Variants in ASAP3 observed in about 807,000 individuals in gnomAD.
The protein encoded by ASAP3 is ArfGAP with SH3 domain, ankyrin repeat and PH domain 3.
In ASAP3, 85 loss-of-function variants were observed where a neutral mutation model predicts 118.2. That is an observed-to-expected ratio of 0.72 (90% CI 0.60 to 0.86). ASAP3 has a LOEUF of 0.86. ASAP3 is among the 40% of genes least tolerant of loss of function. The pLI, the probability that ASAP3 is intolerant of heterozygous loss-of-function variation, is 0.00. For missense variants in ASAP3, 1,026 were observed against 1,175.0 expected, an observed-to-expected ratio of 0.87 and a Z score of 1.85; for synonymous variants, 432 against 477.4, an observed-to-expected ratio of 0.90 and a Z score of 1.24.
intron 4 of ASAP3, 78 bp from the exon 5 acceptor site, chr1:23,451,606 G>GAGCACACTAGC: frequency 2.0e-6 from 3 of 1,495,284 alleles, no homozygotes; most frequent in Non-Finnish European, 1.9e-6. Context: ...CTGCCTGTAG[G>GAGCACACTAGC]AGGACCTGCT....
At chr1:23,444,915 C>G (rs1463392407) in intron 5 of ASAP3, among the ~76,000 whole-genome samples, 1 of 151,594 alleles carries the variant, frequency 6.6e-6, no homozygotes, top group East Asian at 1.9e-4. Flanking sequence ...TAGCATCCCC[C>G]CAGCTGTGAC....
In ASAP3 at chr1:23,436,280, A is replaced by C. The variant is rs1640650395; in HGVS notation, c.1572-252T>G. On this transcript the variant is annotated intron_variant, in intron 16 of 24. Coordinates refer to ENST00000336689, the MANE Select transcript of ASAP3 (RefSeq NM_017707.4). The surrounding 1 kb of genome is among the most constrained non-coding windows in gnomAD (Gnocchi z 4.2). ...AGGGTTCAAGCAATTCTAGTGCCTC[A>C]ACCTCCTGAGTAGCTGGAATTACAG... Among the ~76,000 whole-genome samples the C allele has an allele frequency of 6.6e-6, 1 of 152,186 alleles. No individual in the cohort carries two copies. The highest frequency in any genetic ancestry group is 1.9e-4 in the East Asian group (1 of 5,188).
chr1:23,441,895 G>C (rs1640886145), intron 7 of ASAP3, among the ~76,000 whole-genome samples, 165 bp from the exon 8 acceptor site: 2 of 152,180 alleles, frequency 1.3e-5, no homozygotes, highest in Non-Finnish European at 2.9e-5. Flanking sequence ...TCTTGACTAG[G>C]TTCAAATCCC....
At chr1:23,455,729 G>A (rs1641360486) in intron 3 of ASAP3, 152 bp downstream of exon 3, 1 of 886,128 alleles carries the variant, frequency 1.1e-6, no homozygotes, top group Non-Finnish European at 1.7e-6. Flanking sequence ...TCCAAAAGAA[G>A]GGTCAGGGCT....
chr1:23,466,664 T>G (rs1277384095), intron 1 of ASAP3, among the ~76,000 whole-genome samples: 4 of 152,206 alleles, frequency 2.6e-5, no homozygotes, highest in Non-Finnish European at 5.9e-5. Flanking sequence ...GATTCATCAA[T>G]AGGACCCATT....
chr1:23,442,624 G>C lies in ASAP3; in HGVS notation c.474-12C>G. On this transcript the variant is annotated splice_polypyrimidine_tract_variant and intron_variant, in intron 5 of 24. Coordinates refer to ENST00000336689, the MANE Select transcript of ASAP3 (RefSeq NM_017707.4). ...TCTCCAGCTTGGCCCTAGACCCCAA[G>C]GAAAGAGAAGCCTGAACAAGTCTCA... The C allele has an allele frequency of 6.2e-7, 1 of 1,612,660 alleles. No individual in the cohort carries two copies. Among genetic ancestry groups the C allele is most frequent in the South Asian group, 1.1e-5 (1 of 90,718 alleles).
chr1:23,473,402 G>C (rs1424488208), intron 1 of ASAP3, among the ~76,000 whole-genome samples: 9 of 152,168 alleles, frequency 5.9e-5, no homozygotes, highest in Non-Finnish European at 1.0e-4. Flanking sequence ...CTGTGACGTT[G>C]GTGAGGTGGA....
intron 5 of ASAP3, among the ~76,000 whole-genome samples, chr1:23,443,279 CCTGGG>C (rs959952017): frequency 4.6e-5 from 7 of 152,134 alleles, no homozygotes; most frequent in African/African-American, 1.7e-4. Context: ...AGTGGTGAAG[CCTGGG>C]CTTTTAGAGT....
intron 23 of ASAP3, 110 bp downstream of exon 23, chr1:23,431,586 T>TCTTTA: frequency 9.6e-7 from 1 of 1,046,000 alleles, no homozygotes; most frequent in Non-Finnish European, 1.4e-6. Flanking sequence ...GGCCCAGAGA[T>TCTTTA]GGCGTGTGAC....
chr1:23,471,850 T>C (rs1346677253), intron 1 of ASAP3, among the ~76,000 whole-genome samples: 1 of 152,240 alleles, frequency 6.6e-6, no homozygotes, highest in Non-Finnish European at 1.5e-5. Context: ...GGACAGGCCC[T>C]GTGTTATGAT....
rs914088613 is a variant in ASAP3, at chr1:23,479,858, T to C, written c.129+4147A>G. ...GATAGTTGTTCATAGGCCTTTTCTG[T>C]TATGTTTTAAATTACTTATTACAAA... On this transcript the variant is annotated intron_variant, in intron 1 of 24. Transcript: ENST00000336689. 2.0e-5 allele frequency: 3 copies of C among 152,314 alleles called. No individual in the cohort carries two copies. In the South Asian group the frequency reaches 6.2e-4, roughly 32 times the overall value. 9.4% of individuals were successfully genotyped at this position (152,314 alleles called of 1,614,324 possible). A position where few individuals can be genotyped will look rare whatever the true frequency, so the allele number is the denominator to read the frequency against.
intron 1 of ASAP3, among the ~76,000 whole-genome samples, chr1:23,472,450 C>T (rs572494905): frequency 1.2e-4 from 19 of 152,228 alleles, no homozygotes; most frequent in African/African-American, 3.4e-4. Flanking sequence ...GCTGGGATTA[C>T]GGGTATGAGC....
Position 23,453,394 on chromosome 1 carries a change from C to T in ASAP3, c.349-623G>A, listed in dbSNP as rs1262273471. Among the ~76,000 whole-genome samples, 7 of 152,252 alleles carry T rather than the reference C, an allele frequency of 4.6e-5. No individual in the cohort carries two copies. The East Asian group carries it at 1.2e-3, about 25-fold the overall frequency. The stretch of plus-strand genomic sequence containing the variant: ...GGAACAGGCACGCACCCAAGCCAGC[C>T]AATCACAATCCTCGCTGGGATTTTT... On this transcript the variant is annotated intron_variant, in intron 3 of 24. Coordinates refer to ENST00000336689, the MANE Select transcript of ASAP3 (RefSeq NM_017707.4).
intron 23 of ASAP3, among the ~76,000 whole-genome samples, chr1:23,431,479 G>A (rs1199048378): frequency 6.6e-6 from 1 of 152,174 alleles, no homozygotes; most frequent in Non-Finnish European, 1.5e-5. Context: ...CAGCAGGGAG[G>A]ATCCCTGGCT....
chr1:23,433,613 C>T lies in ASAP3; in HGVS notation c.2019+13G>A. 8.1e-6 allele frequency: 13 copies of T among 1,614,208 alleles called. No individual in the cohort carries two copies. Among genetic ancestry groups the T allele is most frequent in the Non-Finnish European group, 1.1e-5 (13 of 1,180,026 alleles). ...GAAAGAGTCAGGGGCCCCTTGCCTC[C>T]CCGAGTCCTCACCAGCTCCTCACAC... On this transcript the variant is annotated intron_variant, in intron 20 of 24. Transcript: ENST00000336689.
At position 23,452,704 on chromosome 1, in the gene ASAP3, C is replaced by G. The variant is rs1162544595; in HGVS notation, c.416G>C (p.Gly139Ala). 1 of 1,613,834 alleles carries G rather than the reference C, an allele frequency of 6.2e-7. No homozygotes were observed. The highest frequency in any genetic ancestry group is 1.7e-5 in the Admixed American group (1 of 60,006). ...CCCAGCATGGAGACTCACCTGTCGACCGTCCCTCAGCTGCCCCTTCATCAG... is the reference window on the plus strand; with the variant it reads ...CCCAGCATGGAGACTCACCTGTCGAGCGTCCCTCAGCTGCCCCTTCATCAG... ...DSLMKGQLRD[G>A]RQDSKKQLEK... The change falls in exon 4 of 25, where the codon GGT becomes GCT. Residue 139 changes from glycine (G) to alanine (A), a missense_variant. Physicochemically the swap from Gly to Ala is moderately conservative, Grantham distance 60. Coordinates refer to ENST00000336689, the MANE Select transcript of ASAP3 (RefSeq NM_017707.4).
chr1:23,473,515 C>G (rs896813672), intron 1 of ASAP3, among the ~76,000 whole-genome samples: 2 of 152,154 alleles, frequency 1.3e-5, no homozygotes, highest in African/African-American at 2.4e-5. Context: ...CTAGGCCCAT[C>G]GAAGGGACCT....
Position 23,441,138 on chromosome 1 carries a change from G to A in ASAP3, c.908C>T (p.Thr303Met), listed in dbSNP as rs147482690. ...CTTGTATAGAAAGCCCACTTTCTCCGTCCCAAACTGCTTGTTGCCTTGGTG... is the reference window on the plus strand; with the variant it reads ...CTTGTATAGAAAGCCCACTTTCTCCATCCCAAACTGCTTGTTGCCTTGGTG... ...HQHQGNKQFGTEKVGFLYKKS... is the reference protein window; with the variant it reads ...HQHQGNKQFGMEKVGFLYKKS... The change falls in exon 10 of 25, where the codon ACG (threonine) becomes ATG (methionine). Residue 303 changes from threonine (T) to methionine (M), a missense_variant. Coordinates refer to ENST00000336689, the MANE Select transcript of ASAP3 (RefSeq NM_017707.4). 2.4e-4 allele frequency: 381 copies of A among 1,614,148 alleles called. No homozygotes were observed. In the East Asian group the frequency reaches 5.5e-3, roughly 23 times the overall value.
Position 23,431,729 on chromosome 1 carries a change from G to A in ASAP3, c.2513C>T (p.Thr838Ile). The change falls in exon 23 of 25, where the codon ACC becomes ATC. Residue 838 changes from threonine to isoleucine, a missense_variant. Transcript: ENST00000336689. ...TSRPSLTSGT[T>I]PSEMYLPVRF... is the part of the protein sequence containing the mutation. ...GACGGGGAGGTACATCTCCGAAGGG[G>A]TGGTCCCGGATGTCAGGCTGGGTCT... 1 of 1,522,580 alleles carries A rather than the reference G, an allele frequency of 6.6e-7. No homozygotes were observed. The highest frequency in any genetic ancestry group is 8.8e-7 in the Non-Finnish European group (1 of 1,140,638). The allele number at this position is 1,522,580 out of a possible 1,614,324, so 94.3% of individuals were successfully genotyped here.
Sources: allele counts gnomAD v4.1 joint callset (sites outside exome capture counted in the v4.1 genomes callset), GRCh38; gene constraint gnomAD v4.1.1; non-coding constraint Gnocchi (gnomAD v3.1); transcripts MANE v1.5; gene names NCBI Gene and HGNC (gene_info 2026-07-23, HGNC 2026-07-21).